The following TRPC4 variants were observed in gnomAD, a reference collection of about 807,000 sequenced individuals.
The protein encoded by TRPC4 is short transient receptor potential channel 4.
TRPC4 carries 49 observed loss-of-function variants against 99.4 expected under a neutral mutation model. The ratio of observed to expected loss-of-function variants is 0.49; its 90% CI spans 0.39 to 0.63. TRPC4 has a LOEUF of 0.63. Among genes scored for constraint, TRPC4 ranks in the 20% least tolerant of loss-of-function variants. TRPC4 has a pLI of 0.00. For synonymous variants in TRPC4, 454 were observed against 425.9 expected (o/e 1.07, Z -0.81); for missense variants, 898 against 1,152.9 (o/e 0.78, Z 3.20).
At chr13:37,823,122 GT>G (rs1162560893) in intron 1 of TRPC4, among the ~76,000 whole-genome samples, 1 of 151,042 alleles carries the variant, frequency 6.6e-6, no homozygotes, top group Non-Finnish European at 1.5e-5. Context: ...GGGGTTGTTT[GT>G]TTTTTTCTTG....
At chr13:37,791,946 G>GACTAA (rs2139391589) in intron 1 of TRPC4, among the ~76,000 whole-genome samples, 1 of 152,314 alleles carries the variant, frequency 6.6e-6, no homozygotes, top group Non-Finnish European at 1.5e-5. Context: ...CGGAAGAGAT[G>GACTAA]AGTCTGCAGA....
chr13:37,787,553 C>T (rs149739769), intron 1 of TRPC4, among the ~76,000 whole-genome samples: 12 of 151,976 alleles, frequency 7.9e-5, no homozygotes, highest in South Asian at 4.1e-4. Context: ...ACAATACATA[C>T]GTTTCAGTAG....
At chr13:37,763,888 G>T (rs1346182750) in intron 2 of TRPC4, among the ~76,000 whole-genome samples, 1 of 151,742 alleles carries the variant, frequency 6.6e-6, no homozygotes, top group East Asian at 1.9e-4. Flanking sequence ...TCCAAGTATG[G>T]CCATAGTAGG....
intron 3 of TRPC4, among the ~76,000 whole-genome samples, chr13:37,730,117 C>G (rs559488497): frequency 6.6e-6 from 1 of 151,948 alleles, no homozygotes; most frequent in African/African-American, 2.4e-5. Context: ...AGGTTTCCAG[C>G]GAAAACATTA....
chr13:37,678,112 G>A (rs1276179078), intron 4 of TRPC4, among the ~76,000 whole-genome samples: 3 of 152,030 alleles, frequency 2.0e-5, no homozygotes, highest in Non-Finnish European at 2.9e-5. Context: ...TCTTTGTGAG[G>A]CATCTAGAGT....
At chr13:37,843,708 A>ACACG (rs1713891611) in intron 1 of TRPC4, among the ~76,000 whole-genome samples, 1 of 149,654 alleles carries the variant, frequency 6.7e-6, no homozygotes, top group African/African-American at 2.5e-5. Flanking sequence ...ACACACACGC[A>ACACG]CACATACACA....
chr13:37,634,201 C>T lies in TRPC4; in HGVS notation c.*2702G>A, dbSNP rs889235381. 2.0e-5 allele frequency among the ~76,000 whole-genome samples: 3 copies of T among 151,890 alleles called. No individual in the cohort carries two copies. Among genetic ancestry groups the T allele is most frequent in the South Asian group, 4.1e-4 (2 of 4,820 alleles). On this transcript the variant is annotated 3_prime_UTR_variant, in exon 11 of 11. Transcript: ENST00000379705. ...CTGTGGATAGAAATATGAATAGAAA[C>T]GAACACCCTGAAGTACGCACTTACA...
intron 2 of TRPC4, among the ~76,000 whole-genome samples, chr13:37,772,292 G>C (rs1956574500): frequency 6.6e-6 from 1 of 151,646 alleles, no homozygotes; most frequent in Admixed American, 6.6e-5. Context: ...AAGCCTAAGA[G>C]GACCACCCCA....
chr13:37,833,962 T>G (rs1012110938), intron 1 of TRPC4, among the ~76,000 whole-genome samples: 1 of 152,240 alleles, frequency 6.6e-6, no homozygotes, highest in African/African-American at 2.4e-5. Flanking sequence ...CGGTTATACT[T>G]GCATTTTCTA....
intron 1 of TRPC4, among the ~76,000 whole-genome samples, chr13:37,812,176 C>CTAAAAAAAA (rs771956011): frequency 1.8e-5 from 1 of 55,142 alleles, no homozygotes; most frequent in African/African-American, 7.9e-5. Context: ...GAGACTCTAT[C>CTAAAAAAAA]AAAAAAAAAA....
intron 1 of TRPC4, among the ~76,000 whole-genome samples, chr13:37,785,775 T>C (rs1956955845): frequency 6.6e-6 from 1 of 152,144 alleles, no homozygotes; most frequent in Admixed American, 6.6e-5. Flanking sequence ...TATTTCTCAT[T>C]GTCAAAGTAC....
chr13:37,660,195 A>G (rs1023094060), intron 6 of TRPC4, among the ~76,000 whole-genome samples: 1 of 152,206 alleles, frequency 6.6e-6, no homozygotes. Flanking sequence ...ACTTAAGGTT[A>G]GGGTTAGAGT....
At chr13:37,765,774 T>C (rs1005031590) in intron 2 of TRPC4, among the ~76,000 whole-genome samples, 2 of 151,500 alleles carry the variant, frequency 1.3e-5, no homozygotes, top group African/African-American at 4.8e-5. Context: ...ATAAGTGCTT[T>C]ATTGTCTTTT....
chr13:37,761,583 A>AAGG (rs752036431), intron 2 of TRPC4, among the ~76,000 whole-genome samples: 9 of 151,958 alleles, frequency 5.9e-5, no homozygotes, highest in Non-Finnish European at 1.0e-4. Flanking sequence ...AGGAACAAGA[A>AAGG]CTGAAGAAAC....
intron 1 of TRPC4, among the ~76,000 whole-genome samples, chr13:37,797,638 G>T (rs79382703): frequency 0.056 from 8,554 of 151,998 alleles, 341 homozygotes; most frequent in Non-Finnish European, 0.087. Context: ...TTTCTACACT[G>T]AACTCAGACA....
intron 2 of TRPC4, among the ~76,000 whole-genome samples, chr13:37,775,994 G>A (rs1368429277): frequency 1.3e-5 from 2 of 151,738 alleles, no homozygotes; most frequent in African/African-American, 4.8e-5. Flanking sequence ...GTTAAATGAT[G>A]TATTAATATA....
intron 2 of TRPC4, among the ~76,000 whole-genome samples, chr13:37,766,677 T>C (rs1386102114): frequency 6.6e-6 from 1 of 151,390 alleles, no homozygotes; most frequent in Non-Finnish European, 1.5e-5. Flanking sequence ...ACAGTAGACA[T>C]GTGGCTGGGT....
chr13:37,744,781 T>C (rs927123989), intron 3 of TRPC4, among the ~76,000 whole-genome samples: 4 of 152,148 alleles, frequency 2.6e-5, no homozygotes, highest in African/African-American at 9.7e-5. Context: ...ATAATTACTA[T>C]CATTTAAGAG....
chr13:37,701,828 G>GGA (rs1241312326), intron 3 of TRPC4, among the ~76,000 whole-genome samples: 1 of 152,088 alleles, frequency 6.6e-6, no homozygotes, highest in Admixed American at 6.6e-5. Flanking sequence ...ATATTGAAAT[G>GGA]TTTTATACAT....
Sources: allele counts gnomAD v4.1 joint callset (sites outside exome capture counted in the v4.1 genomes callset), GRCh38; gene constraint gnomAD v4.1.1; transcripts MANE v1.5; gene names NCBI Gene and HGNC (gene_info 2026-07-23, HGNC 2026-07-21).